The following SAMD4A variants were observed in gnomAD, a reference collection of about 807,000 sequenced individuals.
The protein encoded by SAMD4A is sterile alpha motif domain containing 4A, also known as protein Smaug homolog 1.
In SAMD4A, 33 loss-of-function variants were observed where a neutral mutation model predicts 81.3. The ratio of observed to expected loss-of-function variants is 0.41; its 90% CI spans 0.31 to 0.54. SAMD4A has a LOEUF of 0.54. SAMD4A is among the 20% of genes least tolerant of loss of function. The probability of loss-of-function intolerance (pLI) is 0.37; values close to 1 mark genes in which losing one functional copy is unlikely to be tolerated. For missense variants in SAMD4A, 854 were observed against 951.1 expected, an observed-to-expected ratio of 0.90 and a Z score of 1.34; for synonymous variants, 389 against 382.1, an observed-to-expected ratio of 1.02 and a Z score of -0.21.
chr14:54,630,554 A>G (rs2034870304), intron 2 of SAMD4A, among the ~76,000 whole-genome samples: 2 of 152,182 alleles, frequency 1.3e-5, no homozygotes, highest in Non-Finnish European at 2.9e-5. Flanking sequence ...GCATTGTAGG[A>G]GTTCTTTATA....
chr14:54,579,160 C>T (rs1167964624), intron 2 of SAMD4A, among the ~76,000 whole-genome samples: 1 of 152,216 alleles, frequency 6.6e-6, no homozygotes, highest in East Asian at 1.9e-4. Flanking sequence ...CAAACACTAT[C>T]TCCTGTTATT....
intron 2 of SAMD4A, among the ~76,000 whole-genome samples, chr14:54,636,944 G>A (rs1034830166): frequency 1.3e-5 from 2 of 152,148 alleles, no homozygotes; most frequent in Non-Finnish European, 2.9e-5. Context: ...TCAAGGGGGC[G>A]AGATATACAT....
At chr14:54,594,828 G>A (rs1432820356) in intron 2 of SAMD4A, among the ~76,000 whole-genome samples, 5 of 152,136 alleles carry the variant, frequency 3.3e-5, no homozygotes, top group Admixed American at 6.5e-5. Flanking sequence ...TTTAAGTGAC[G>A]GAAATATGCA....
intron 2 of SAMD4A, among the ~76,000 whole-genome samples, chr14:54,698,659 A>G (rs2036633812): frequency 6.6e-6 from 1 of 152,238 alleles, no homozygotes; most frequent in African/African-American, 2.4e-5. Context: ...AGTTTGATCC[A>G]GTAGGTGTAG....
chr14:54,744,765 C>T (rs552310473), intron 4 of SAMD4A, among the ~76,000 whole-genome samples: 85 of 152,300 alleles, frequency 5.6e-4, no homozygotes, highest in African/African-American at 2.0e-3. Flanking sequence ...AGAGATTCAC[C>T]CACTTCTGTG....
intron 2 of SAMD4A, among the ~76,000 whole-genome samples, chr14:54,595,098 C>T (rs544883700): frequency 3.3e-4 from 51 of 152,274 alleles, no homozygotes; most frequent in Non-Finnish European, 6.5e-4. Context: ...TTTGGTGTGT[C>T]GCAAATGCTT....
intron 2 of SAMD4A, among the ~76,000 whole-genome samples, chr14:54,589,809 C>T (rs2033725542): frequency 6.6e-6 from 1 of 152,076 alleles, no homozygotes. Context: ...GCAGGAGTTC[C>T]CTCTGATCGA....
intron 2 of SAMD4A, among the ~76,000 whole-genome samples, chr14:54,612,041 G>A (rs2034371553): frequency 6.6e-6 from 1 of 152,142 alleles, no homozygotes; most frequent in African/African-American, 2.4e-5. Flanking sequence ...GGAGCCAGAT[G>A]GGCAGTGATG....
At chr14:54,607,264 G>T (rs1055356103) in intron 2 of SAMD4A, among the ~76,000 whole-genome samples, 1 of 151,746 alleles carries the variant, frequency 6.6e-6, no homozygotes, top group Non-Finnish European at 1.5e-5. Flanking sequence ...ATGTGAGATC[G>T]TGGCAGGTAG....
intron 2 of SAMD4A, among the ~76,000 whole-genome samples, chr14:54,629,494 C>T (rs2140332529): frequency 6.6e-6 from 1 of 152,280 alleles, no homozygotes; most frequent in Middle Eastern, 3.4e-3. Context: ...TTATCTGTCC[C>T]TTCCCATCTT....
Position 54,747,882 on chromosome 14 carries a change from C to T in SAMD4A, c.980-933C>T, listed in dbSNP as rs77159162. Among the ~76,000 whole-genome samples the T allele has an allele frequency of 9.7e-3, 1,485 of 152,308 alleles. 58 individuals are homozygous for T. The highest frequency in any genetic ancestry group is 0.09 in the East Asian group (469 of 5,188). On this transcript the variant is annotated intron_variant, in intron 4 of 12. Transcript: ENST00000554335. ...ACTTTCCAAAGATCCTATCAGCTCACAAACTCTGACTGAAAGAATATGGGC... is the reference window on the plus strand; with the variant it reads ...ACTTTCCAAAGATCCTATCAGCTCATAAACTCTGACTGAAAGAATATGGGC...
chr14:54,661,208 G>T (rs986485008), intron 2 of SAMD4A, among the ~76,000 whole-genome samples: 7 of 152,074 alleles, frequency 4.6e-5, no homozygotes, highest in Admixed American at 6.5e-5. Context: ...CTCATCTTTT[G>T]GTCCACATGC....
intron 2 of SAMD4A, among the ~76,000 whole-genome samples, chr14:54,577,975 G>T (rs2033353044): frequency 6.6e-6 from 1 of 152,230 alleles, no homozygotes; most frequent in Admixed American, 6.5e-5. Context: ...CCCAAACAAT[G>T]CAGTGGCCTG....
intron 3 of SAMD4A, among the ~76,000 whole-genome samples, chr14:54,708,978 C>T (rs2036922762): frequency 1.3e-5 from 2 of 152,084 alleles, no homozygotes; most frequent in South Asian, 2.1e-4. Flanking sequence ...GTTTAGAAGG[C>T]ATTAAAAATA....
At chr14:54,591,830 A>G (rs115127815) in intron 2 of SAMD4A, among the ~76,000 whole-genome samples, 299 of 152,254 alleles carry the variant, frequency 2.0e-3, no homozygotes, top group African/African-American at 6.9e-3. Context: ...AGATTAGGTT[A>G]TATTGTCTGT....
chr14:54,571,580 A>C (rs1046719672), intron 2 of SAMD4A, among the ~76,000 whole-genome samples: 1 of 152,226 alleles, frequency 6.6e-6, no homozygotes, highest in Non-Finnish European at 1.5e-5. Context: ...ATCCACAAAA[A>C]CGTAACCCAC....
chr14:54,578,644 G>T (rs535977023), intron 2 of SAMD4A, among the ~76,000 whole-genome samples: 1 of 152,036 alleles, frequency 6.6e-6, no homozygotes, highest in South Asian at 2.1e-4. Flanking sequence ...CCGAGGAGGC[G>T]GAGGTTGCAG....
intron 2 of SAMD4A, among the ~76,000 whole-genome samples, chr14:54,617,771 G>T (rs1182280757): frequency 6.6e-6 from 1 of 152,208 alleles, no homozygotes; most frequent in African/African-American, 2.4e-5. Context: ...TTTAACAGGT[G>T]TTCCCACAAC....
chr14:54,633,084 T>A (rs1479546665), intron 2 of SAMD4A, among the ~76,000 whole-genome samples: 2 of 152,320 alleles, frequency 1.3e-5, no homozygotes, highest in African/African-American at 2.4e-5. Flanking sequence ...TAGGTTCTGA[T>A]GGAAACTGCC....
Sources: gnomAD v4.1 joint callset for allele counts (sites outside exome capture counted in the v4.1 genomes callset) on GRCh38, gnomAD v4.1.1 for gene constraint, MANE v1.5 for transcripts, NCBI Gene and HGNC (gene_info 2026-07-23, HGNC 2026-07-21) for gene names.